The following CNTNAP3B variants were observed in gnomAD, a reference collection of about 807,000 sequenced individuals.
The protein encoded by CNTNAP3B is contactin associated protein family member 3B.
A neutral mutation model predicts 108.9 loss-of-function variants in CNTNAP3B; 25 were observed. The ratio of observed to expected loss-of-function variants is 0.23; its 90% CI spans 0.17 to 0.32. CNTNAP3B has a LOEUF of 0.32. Among genes scored for constraint, CNTNAP3B ranks in the 10% least tolerant of loss-of-function variants. The pLI is 1.00. For missense variants in CNTNAP3B, 252 were observed against 1,210.4 expected, an observed-to-expected ratio of 0.21 and a Z score of 11.75; for synonymous variants, 103 against 473.4, an observed-to-expected ratio of 0.22 and a Z score of 10.16.
intron 1 of CNTNAP3B, among the ~76,000 whole-genome samples, chr9:42,110,464 C>T (rs1828173695): frequency 7.4e-6 from 1 of 135,276 alleles, no homozygotes; most frequent in East Asian, 2.2e-4. Flanking sequence ...AAACACAAAG[C>T]CTATTATTAA....
At chr9:41,968,801 CTT>C (rs66468149) in intron 10 of CNTNAP3B, among the ~76,000 whole-genome samples, 1 of 137,422 alleles carries the variant, frequency 7.3e-6, no homozygotes, top group African/African-American at 2.8e-5. Flanking sequence ...GCAGATATAA[CTT>C]TTTTTTTTTT....
chr9:41,940,553 C>A (rs1824307444), intron 13 of CNTNAP3B, among the ~76,000 whole-genome samples: 1 of 152,280 alleles, frequency 6.6e-6, no homozygotes, highest in Non-Finnish European at 1.5e-5. Context: ...GGTGCGGTGG[C>A]TCACGCCTGT....
intron 1 of CNTNAP3B, among the ~76,000 whole-genome samples, chr9:42,120,656 G>C (rs1437609588): frequency 1.5e-5 from 2 of 137,390 alleles, no homozygotes; most frequent in African/African-American, 2.9e-5. Context: ...AAAATGATGA[G>C]TTCATGTCCT....
In CNTNAP3B at chr9:42,120,396, A is replaced by G. The variant is rs1270567671; in HGVS notation, c.85+8614T>C. Among the ~76,000 whole-genome samples the G allele has an allele frequency of 2.2e-5, 3 of 139,230 alleles. 1 individual carries two copies. The highest frequency in any genetic ancestry group is 7.1e-5 in the Admixed American group (1 of 14,068). The allele number at this position is 139,230 out of a possible 152,430, so 91.3% of individuals were successfully genotyped here. ...GGTGGGACTGTAAACTAGTTCAACC[A>G]TTGTGGAAGTCAGTGTGGCAATTCC... On this transcript the variant is annotated intron_variant, in intron 1 of 23. Coordinates refer to ENST00000377561, the MANE Select transcript of CNTNAP3B (RefSeq NM_001201380.3).
chr9:42,109,059 T>G (rs1040653071), intron 1 of CNTNAP3B, among the ~76,000 whole-genome samples: 3 of 138,766 alleles, frequency 2.2e-5, no homozygotes, highest in Non-Finnish European at 4.6e-5. Context: ...ACAGAGATGA[T>G]ATACTTTTCA....
intron 7 of CNTNAP3B, among the ~76,000 whole-genome samples, chr9:41,995,769 C>T (rs1825887178): frequency 7.5e-6 from 1 of 133,894 alleles, no homozygotes; most frequent in South Asian, 2.5e-4. Context: ...GGCCCGGTGG[C>T]TCACACCTGT....
At chr9:42,038,462 A>AT (rs1205394605) in intron 3 of CNTNAP3B, among the ~76,000 whole-genome samples, 1 of 98,216 alleles carries the variant, frequency 1.0e-5, no homozygotes, top group African/African-American at 3.8e-5. Flanking sequence ...AAATAAAAAA[A>AT]AAGCAGGGGT....
chr9:41,930,606 A>T (rs1307349829), intron 14 of CNTNAP3B, among the ~76,000 whole-genome samples: 514 of 152,000 alleles, frequency 3.4e-3, no homozygotes, highest in Non-Finnish European at 4.6e-3. Context: ...TCGAACAGAC[A>T]TTGTCCTGGG....
At chr9:41,956,421 G>A (rs1176886377) in intron 12 of CNTNAP3B, among the ~76,000 whole-genome samples, 1 of 152,236 alleles carries the variant, frequency 6.6e-6, no homozygotes, top group African/African-American at 2.4e-5. Flanking sequence ...AGTTGTATGG[G>A]TACTTGAAAT....
At position 42,106,012 on chromosome 9, in the gene CNTNAP3B, T is replaced by C. The variant is rs1395269960; in HGVS notation, c.86-1273A>G. ...AAAATGTCAACTATGTTCAGTGAGATAGATAAGAGGTAATTCAGGGTCTCT... is the reference window on the plus strand; with the variant it reads ...AAAATGTCAACTATGTTCAGTGAGACAGATAAGAGGTAATTCAGGGTCTCT... On this transcript the variant is annotated intron_variant, in intron 1 of 23. Coordinates refer to ENST00000377561, the MANE Select transcript of CNTNAP3B (RefSeq NM_001201380.3). 1.6e-4 allele frequency among the ~76,000 whole-genome samples: 5 copies of C among 30,440 alleles called. 1 individual carries two copies. Among genetic ancestry groups the C allele is most frequent in the South Asian group, 2.4e-3 (2 of 826 alleles). 20.0% of individuals were successfully genotyped at this position (30,440 alleles called of 152,430 possible).
chr9:42,108,132 G>C (rs1828119310), intron 1 of CNTNAP3B, among the ~76,000 whole-genome samples: 1 of 138,660 alleles, frequency 7.2e-6, no homozygotes, highest in Admixed American at 7.2e-5. Flanking sequence ...GAGTCAGAGG[G>C]GAAAACACAG....
At chr9:41,936,373 A>G (rs1824156475) in intron 14 of CNTNAP3B, among the ~76,000 whole-genome samples, 2 of 152,226 alleles carry the variant, frequency 1.3e-5, no homozygotes, top group South Asian at 4.1e-4. Flanking sequence ...TAACCTGCCA[A>G]TGCTCTCCTT....
Position 42,129,115 on chromosome 9 carries a change from C to T in CNTNAP3B, c.-21G>A, listed in dbSNP as rs772104636. 1.3e-6 allele frequency: 2 copies of T among 1,571,932 alleles called. No homozygotes were observed. Among genetic ancestry groups the T allele is most frequent in the African/African-American group, 3.0e-5 (2 of 66,578 alleles). On this transcript the variant is annotated 5_prime_UTR_variant, in exon 1 of 24. Transcript: ENST00000377561. Reference sequence around the variant, plus strand: ...GCCATGCTCACTTCAGCCAGGCGCCCTGAGACCCGGGCACGGCGACGGCCG... The same window carrying T: ...GCCATGCTCACTTCAGCCAGGCGCCTTGAGACCCGGGCACGGCGACGGCCG...
chr9:42,063,920 TC>T (rs1422531750), intron 3 of CNTNAP3B, among the ~76,000 whole-genome samples: 2 of 149,560 alleles, frequency 1.3e-5, no homozygotes, highest in African/African-American at 2.5e-5. Flanking sequence ...TAGACCTTTG[TC>T]CCTCTATTCT....
rs1351103289 is a variant in CNTNAP3B at position 41,931,980 on chromosome 9, T to A, written c.2238-2536A>T. On this transcript the variant is annotated intron_variant, in intron 14 of 23. Transcript: ENST00000377561. ...TTCAGTTTAATTAGGGCAGATACTA[T>A]AATAAAGTCTTGTTTTTTCATTGTT... 2.6e-5 allele frequency among the ~76,000 whole-genome samples: 4 copies of A among 152,198 alleles called. No individual in the cohort carries two copies. In the East Asian group the frequency reaches 5.8e-4, roughly 22 times the overall value.
chr9:41,925,843 T>C (rs1050306269), intron 15 of CNTNAP3B, among the ~76,000 whole-genome samples: 4 of 152,298 alleles, frequency 2.6e-5, no homozygotes, highest in Non-Finnish European at 5.9e-5. Flanking sequence ...TCATCTTAAA[T>C]TTTCTCTGCC....
intron 4 of CNTNAP3B, among the ~76,000 whole-genome samples, chr9:42,002,167 TA>T (rs993392476): frequency 2.0e-5 from 1 of 50,368 alleles, no homozygotes; most frequent in African/African-American, 8.8e-5. Context: ...GTAGACAGCT[TA>T]AAATGATAGC....
chr9:41,959,464 C>A (rs1457731129), intron 12 of CNTNAP3B, among the ~76,000 whole-genome samples: 4 of 152,298 alleles, frequency 2.6e-5, no homozygotes, highest in African/African-American at 9.6e-5. Flanking sequence ...CCCTAACCAA[C>A]TTTTCTGAGC....
At chr9:42,122,681 A>G (rs1828488884) in intron 1 of CNTNAP3B, among the ~76,000 whole-genome samples, 1 of 141,240 alleles carries the variant, frequency 7.1e-6, no homozygotes, top group South Asian at 2.3e-4. Context: ...ATCATCAAAC[A>G]TATTTCTATT....
Sources: allele counts gnomAD v4.1 joint callset (sites outside exome capture counted in the v4.1 genomes callset), GRCh38; gene constraint gnomAD v4.1.1; transcripts MANE v1.5; gene names NCBI Gene and HGNC (gene_info 2026-07-23, HGNC 2026-07-21).